CDK17: variants seen among roughly 807,000 people sequenced by gnomAD.
The protein encoded by CDK17 is cyclin dependent kinase 17.
CDK17 carries 24 observed loss-of-function variants against 77.6 expected under a neutral mutation model. The ratio of observed to expected loss-of-function variants is 0.31; its 90% CI spans 0.22 to 0.44. CDK17 has a LOEUF of 0.44. Among genes scored for constraint, CDK17 ranks in the 20% least tolerant of loss-of-function variants. The probability of loss-of-function intolerance (pLI) is 1.00; values close to 1 mark genes in which losing one functional copy is unlikely to be tolerated. For synonymous variants in CDK17, 203 were observed against 210.4 expected (o/e 0.96, Z 0.30); for missense variants, 429 against 622.5 (o/e 0.69, Z 3.31).
At chr12:96,363,579 G>A (rs901339087) in intron 1 of CDK17, among the ~76,000 whole-genome samples, 8 of 152,090 alleles carry the variant, frequency 5.3e-5, no homozygotes, top group African/African-American at 1.9e-4. Context: ...CAGGTGTGGT[G>A]GCTCATGCCT....
At chr12:96,338,216 T>G (rs1248565074) in intron 1 of CDK17, among the ~76,000 whole-genome samples, 2 of 152,202 alleles carry the variant, frequency 1.3e-5, no homozygotes, top group Admixed American at 6.5e-5. Context: ...TGGTTGAAGC[T>G]CTTTGCATGT....
chr12:96,337,447 A>AT (rs917954017), intron 1 of CDK17, among the ~76,000 whole-genome samples: 17 of 152,060 alleles, frequency 1.1e-4, no homozygotes, highest in African/African-American at 3.9e-4. Context: ...CTTCAAAATG[A>AT]TTTTTTCCCC....
chr12:96,316,975 G>C (rs1952739083), intron 3 of CDK17, among the ~76,000 whole-genome samples: 1 of 149,442 alleles, frequency 6.7e-6, no homozygotes, highest in Non-Finnish European at 1.5e-5. Flanking sequence ...TTGACGAGCT[G>C]AGAGAAGAAG....
intron 2 of CDK17, among the ~76,000 whole-genome samples, chr12:96,325,776 G>A (rs1021647854): frequency 2.6e-5 from 4 of 152,174 alleles, no homozygotes; most frequent in African/African-American, 9.7e-5. Context: ...AATAATCAAT[G>A]ATTTAATAAT....
intron 13 of CDK17, among the ~76,000 whole-genome samples, chr12:96,284,961 C>T (rs892035785): frequency 1.3e-5 from 2 of 152,134 alleles, no homozygotes; most frequent in Non-Finnish European, 2.9e-5. Context: ...AATAAGGTAA[C>T]GTTTTTTTCC....
intron 5 of CDK17, among the ~76,000 whole-genome samples, chr12:96,309,646 AG>A (rs903973573): frequency 3.9e-5 from 6 of 152,190 alleles, no homozygotes; most frequent in African/African-American, 1.4e-4. Flanking sequence ...AAAACCCAAT[AG>A]AAAAAAGAAG....
chr12:96,395,862 G>C (rs1390300392), intron 1 of CDK17, among the ~76,000 whole-genome samples: 2 of 152,206 alleles, frequency 1.3e-5, no homozygotes, highest in African/African-American at 4.8e-5. Context: ...AGTGCCCAGG[G>C]AGAAGACAGC....
At chr12:96,361,457 C>T (rs988131414) in intron 1 of CDK17, among the ~76,000 whole-genome samples, 9 of 152,230 alleles carry the variant, frequency 5.9e-5, no homozygotes, top group Middle Eastern at 6.8e-3. Flanking sequence ...GCTCCAACCT[C>T]GCAAAGCAGT....
chr12:96,398,041 A>C (rs1202775949), intron 1 of CDK17, among the ~76,000 whole-genome samples: 1 of 152,174 alleles, frequency 6.6e-6, no homozygotes, highest in Non-Finnish European at 1.5e-5. Context: ...TTTTCTTTCC[A>C]TTTATACTTC....
At chr12:96,300,838 G>A (rs1050995682) in intron 5 of CDK17, among the ~76,000 whole-genome samples, 1 of 152,004 alleles carries the variant, frequency 6.6e-6, no homozygotes, top group Non-Finnish European at 1.5e-5. Context: ...ACCCAATGTT[G>A]GAACATTCAA....
At chr12:96,344,735 A>G (rs956596755) in intron 1 of CDK17, among the ~76,000 whole-genome samples, 4 of 152,358 alleles carry the variant, frequency 2.6e-5, no homozygotes, top group Non-Finnish European at 4.4e-5. Context: ...TAACACTGGT[A>G]AAGGTAATTA....
intron 1 of CDK17, among the ~76,000 whole-genome samples, chr12:96,358,845 AC>A (rs1953449358): frequency 3.4e-5 from 1 of 29,014 alleles, no homozygotes; most frequent in African/African-American, 1.2e-4. Flanking sequence ...CCCCCACCCC[AC>A]CCCACCCCAC....
chr12:96,383,866 C>T (rs891151286), intron 1 of CDK17, among the ~76,000 whole-genome samples: 3 of 152,080 alleles, frequency 2.0e-5, no homozygotes, highest in Non-Finnish European at 4.4e-5. Context: ...GAATTTATGG[C>T]TAAGTCCCCA....
intron 1 of CDK17, among the ~76,000 whole-genome samples, chr12:96,362,678 T>C (rs1953513792): frequency 1.3e-5 from 2 of 152,186 alleles, no homozygotes; most frequent in Non-Finnish European, 2.9e-5. Flanking sequence ...TAAGCAACCT[T>C]CAAAAATGTA....
chr12:96,377,996 A>G (rs557880128), intron 1 of CDK17, among the ~76,000 whole-genome samples: 1 of 152,146 alleles, frequency 6.6e-6, no homozygotes, highest in Admixed American at 6.5e-5. Flanking sequence ...CCCGGCCCAG[A>G]AGCAGTTTTT....
At chr12:96,349,112 T>G (rs1953271979) in intron 1 of CDK17, among the ~76,000 whole-genome samples, 1 of 152,214 alleles carries the variant, frequency 6.6e-6, no homozygotes, top group Non-Finnish European at 1.5e-5. Flanking sequence ...GGGTATATAA[T>G]GAACCAGGAT....
At chr12:96,363,427 G>A in intron 1 of CDK17, among the ~76,000 whole-genome samples, 1 of 145,160 alleles carries the variant, frequency 6.9e-6, no homozygotes, top group Non-Finnish European at 1.5e-5. Flanking sequence ...TCCAGCCTGG[G>A]CAACAGAGCA....
chr12:96,387,629 G>A (rs559620319), intron 1 of CDK17, among the ~76,000 whole-genome samples: 1 of 152,316 alleles, frequency 6.6e-6, no homozygotes, highest in South Asian at 2.1e-4. Flanking sequence ...TTTATAACCA[G>A]TTACTCTATT....
At chr12:96,353,919 T>G (rs1303722248) in intron 1 of CDK17, among the ~76,000 whole-genome samples, 1 of 152,066 alleles carries the variant, frequency 6.6e-6, no homozygotes, top group Non-Finnish European at 1.5e-5. Context: ...AGAAAAAAAG[T>G]CAATGTTTAA....
Sources: allele counts gnomAD v4.1 joint callset (sites outside exome capture counted in the v4.1 genomes callset), GRCh38; gene constraint gnomAD v4.1.1; transcripts MANE v1.5; gene names NCBI Gene and HGNC (gene_info 2026-07-23, HGNC 2026-07-21).